BRSK2: variants seen among roughly 807,000 people sequenced by gnomAD.
BRSK2 encodes the protein BR serine/threonine kinase 2.
BRSK2 carries 19 observed loss-of-function variants against 83.3 expected under a neutral mutation model. That is an observed-to-expected ratio of 0.23 (90% CI 0.16 to 0.33). The LOEUF is 0.33. Among genes scored for constraint, BRSK2 ranks in the 10% least tolerant of loss-of-function variants. The probability of loss-of-function intolerance (pLI) is 1.00; values close to 1 mark genes in which losing one functional copy is unlikely to be tolerated. For synonymous variants in BRSK2, 519 were observed against 435.4 expected (o/e 1.19, Z -2.39); for missense variants, 798 against 1,042.3 (o/e 0.77, Z 3.23).
In BRSK2 at chr11:1,440,769, G is replaced by A; in HGVS notation, c.273-19G>A. 3.2e-6 allele frequency: 5 copies of A among 1,554,224 alleles called. No individual in the cohort carries two copies. The highest frequency in any genetic ancestry group is 4.4e-6 in the Non-Finnish European group (5 of 1,148,794). ...CGGGCAGCCACAGCTGGGCGCACTG[G>A]TGGCCCCGTCTCCTGCAGGTACCTG... On this transcript the variant is annotated intron_variant, in intron 3 of 19. Coordinates refer to ENST00000528841, the MANE Select transcript of BRSK2 (RefSeq NM_001256627.2).
chr11:1,438,323 G>C lies in BRSK2; in HGVS notation c.204G>C (p.Ala68=), dbSNP rs752727182. ...CCATGCAGGTGGAGCGGGAGATCGCGATCCTGAAGCTCATTGAGCACCCCC... is the reference window on the plus strand; with the variant it reads ...CCATGCAGGTGGAGCGGGAGATCGCCATCCTGAAGCTCATTGAGCACCCCC... ...SVLMKVEREI[A]ILKLIEHPHV... is the part of the protein sequence containing the mutation. Residue 68 remains alanine, a synonymous_variant, in exon 3 of 20, where the codon GCG becomes GCC. Transcript: ENST00000528841. The surrounding 1 kb of genome is among the most constrained non-coding windows in gnomAD (Gnocchi z 6.4). 5 of 1,613,922 alleles carry C rather than the reference G, an allele frequency of 3.1e-6. No homozygotes were observed. The highest frequency in any genetic ancestry group is 2.2e-5 in the East Asian group (1 of 44,886).
intron 1 of BRSK2, among the ~76,000 whole-genome samples, chr11:1,405,825 G>A (rs978157495): frequency 3.3e-5 from 5 of 152,074 alleles, no homozygotes; most frequent in Non-Finnish European, 7.4e-5. Flanking sequence ...GCCTACCTGC[G>A]TGGCAGTGAC....
At chr11:1,460,386 T>G in intron 19 of BRSK2, 114 bp from the exon 20 acceptor site, 86 of 901,670 alleles carry the variant, frequency 9.5e-5, no homozygotes, top group East Asian at 1.5e-4. Flanking sequence ...GGCCTCTTCG[T>G]TCATTTGTTT....
intron 5 of BRSK2, 21 bp from the exon 6 acceptor site, chr11:1,443,084 TG>T (rs1160498459): frequency 9.8e-6 from 15 of 1,532,206 alleles, no homozygotes; most frequent in Non-Finnish European, 1.3e-5. Flanking sequence ...GCCCCGCCGC[TG>T]ACCTCTGCCC....
In BRSK2 at chr11:1,460,553, A is replaced by G. The variant is rs1381247201; in HGVS notation, c.2041A>G (p.Lys681Glu). ...DVIKQLFSDE[K>E]NGQAAQAPST... ...AATTAAACAACTTTTTTCAGACGAG[A>G]AGAACGGGCAGGCGGCCCAGGCCCC... is the stretch of plus-strand genomic sequence containing the variant. Residue 681 changes from lysine to glutamate, a missense_variant, in exon 20 of 20, where the codon AAG (lysine) becomes GAG (glutamate). Coordinates refer to ENST00000528841, the MANE Select transcript of BRSK2 (RefSeq NM_001256627.2). 1.3e-6 allele frequency: 2 copies of G among 1,530,464 alleles called. No homozygotes were observed. The highest frequency in any genetic ancestry group is 2.4e-5 in the South Asian group (2 of 83,660). 94.8% of individuals were successfully genotyped at this position (1,530,464 alleles called of 1,614,324 possible).
rs1330024081 is a variant in BRSK2, at chr11:1,461,111, G to C, written c.*388G>C. 18 of 1,441,704 alleles carry C rather than the reference G, an allele frequency of 1.2e-5. No homozygotes were observed. Among genetic ancestry groups the C allele is most frequent in the Admixed American group, 2.0e-5 (1 of 50,722 alleles). The allele number at this position is 1,441,704 out of a possible 1,614,324, so 89.3% of individuals were successfully genotyped here. A position where few individuals can be genotyped will look rare whatever the true frequency, so the allele number is the denominator to read the frequency against. ...CAGCCCAGCGCCCCGTCCACCCCGC[G>C]GCAGCTCCTCGCCTCAGCTCCGCAC... On this transcript the variant is annotated 3_prime_UTR_variant, in exon 20 of 20. Coordinates refer to ENST00000528841, the MANE Select transcript of BRSK2 (RefSeq NM_001256627.2).
Position 1,460,905 on chromosome 11 carries a change from C to T in BRSK2, c.*182C>T, listed in dbSNP as rs1240624797. ...GGGCTGCGCCACCCGCGCCCGCTCT[C>T]TTTTCTCTCTGTCTCTGCCTCTGCC... On this transcript the variant is annotated 3_prime_UTR_variant, in exon 20 of 20. Transcript: ENST00000528841. The T allele has an allele frequency of 1.1e-5, 17 of 1,609,886 alleles. No individual in the cohort carries two copies. Among genetic ancestry groups the T allele is most frequent in the South Asian group, 8.8e-5 (8 of 90,612 alleles).
intron 1 of BRSK2, among the ~76,000 whole-genome samples, chr11:1,395,031 G>C (rs116614226): frequency 6.6e-6 from 1 of 152,134 alleles, no homozygotes; most frequent in Non-Finnish European, 1.5e-5. Context: ...GGCTGAGCCC[G>C]GAGAGCGCAT....
intron 12 of BRSK2, among the ~76,000 whole-genome samples, chr11:1,449,252 C>G (rs1029158099): frequency 6.6e-6 from 1 of 152,212 alleles, no homozygotes; most frequent in Non-Finnish European, 1.5e-5. Flanking sequence ...GCTGCCCCAG[C>G]CTGGCCCTGC....
rs1197421503 is a variant in BRSK2 at position 1,445,440 on chromosome 11, A to G, written c.959A>G (p.Gln320Arg). ...GCFRDRNKLL[Q>R]DLLSEEENQE... is the part of the protein sequence containing the mutation. ...TTCCGAGACCGCAACAAGCTGCTGC[A>G]GGACCTGCTGTCCGAGGAGTGCGTC... Residue 320 changes from glutamine to arginine, a missense_variant, in exon 10 of 20, where the codon CAG becomes CGG. By Grantham distance (43) the Gln-to-Arg change is conservative. Transcript: ENST00000528841. The G allele has an allele frequency of 6.2e-7, 1 of 1,611,898 alleles. No homozygotes were observed. The highest frequency in any genetic ancestry group is 1.1e-5 in the South Asian group (1 of 90,988).
At chr11:1,412,866 G>A (rs939577736) in intron 1 of BRSK2, among the ~76,000 whole-genome samples, 3 of 152,158 alleles carry the variant, frequency 2.0e-5, no homozygotes, top group South Asian at 2.1e-4. Context: ...TCCCAGGCCC[G>A]TCGGGTCTCT....
Position 1,399,766 on chromosome 11 carries a change from G to C in BRSK2, c.91+9391G>C, listed in dbSNP as rs567797948. Among the ~76,000 whole-genome samples the C allele has an allele frequency of 5.9e-5, 9 of 152,296 alleles. No homozygotes were observed. In the South Asian group the frequency reaches 1.9e-3, roughly 32 times the overall value. On this transcript the variant is annotated intron_variant, in intron 1 of 19. Transcript: ENST00000528841. Reference sequence around the variant, plus strand: ...GGTACAGGGAAGCAGTGAGTTCTGGGCCGACCAAATTCCCCGGTGCCGTCG... The same window carrying C: ...GGTACAGGGAAGCAGTGAGTTCTGGCCCGACCAAATTCCCCGGTGCCGTCG...
chr11:1,413,015 C>A (rs1008053492), intron 1 of BRSK2, among the ~76,000 whole-genome samples: 1 of 152,204 alleles, frequency 6.6e-6, no homozygotes, highest in African/African-American at 2.4e-5. Flanking sequence ...CCCGGCACCC[C>A]AGGCCCTGGC....
intron 1 of BRSK2, among the ~76,000 whole-genome samples, chr11:1,426,247 TGTGTGTGGGGCGTGCTCCGGG>T: frequency 6.7e-6 from 1 of 148,418 alleles, no homozygotes; most frequent in African/African-American, 2.5e-5. Flanking sequence ...GCTCCGGGGA[TGTGTGTGGGGCGTGCTCCGGG>T]GATGTGTGTG....
intron 1 of BRSK2, among the ~76,000 whole-genome samples, chr11:1,428,987 G>T (rs1462026245): frequency 6.6e-6 from 1 of 150,750 alleles, no homozygotes; most frequent in Non-Finnish European, 1.5e-5. Context: ...CGTGTGCACT[G>T]GGTGTGTCCT....
intron 1 of BRSK2, chr11:1,409,979 G>A (rs959269854): frequency 1.4e-5 from 1 of 73,046 alleles, no homozygotes; most frequent in Non-Finnish European, 2.7e-5. Flanking sequence ...GTTTTGGGGG[G>A]TTTGTGACGA....
At chr11:1,458,671 G>C (rs1243651638) in intron 18 of BRSK2, among the ~76,000 whole-genome samples, 2 of 152,200 alleles carry the variant, frequency 1.3e-5, no homozygotes, top group African/African-American at 4.8e-5. Context: ...CCTTGAGGGA[G>C]TAGCCCCTCC....
chr11:1,416,906 ATCCCAACACTT>A (rs891872279), intron 1 of BRSK2, among the ~76,000 whole-genome samples: 23 of 152,208 alleles, frequency 1.5e-4, no homozygotes, highest in African/African-American at 5.1e-4. Context: ...CATGCCTGTA[ATCCCAACACTT>A]TGGGAGGTCA....
chr11:1,429,129 G>T (rs578203062), intron 1 of BRSK2, among the ~76,000 whole-genome samples: 39 of 149,340 alleles, frequency 2.6e-4, no homozygotes, highest in African/African-American at 8.6e-4. Flanking sequence ...GTGTGCACTG[G>T]GTGTGTGTGC....
Sources: gnomAD v4.1 joint callset for allele counts (sites outside exome capture counted in the v4.1 genomes callset) on GRCh38, gnomAD v4.1.1 for gene constraint, Gnocchi (gnomAD v3.1) non-coding constraint, MANE v1.5 for transcripts, NCBI Gene and HGNC (gene_info 2026-07-23, HGNC 2026-07-21) for gene names.